WASHC4: variants seen among roughly 807,000 people sequenced by gnomAD.
WASHC4 encodes WASH complex subunit 7.
WASHC4 carries 86 observed loss-of-function variants against 166.6 expected under a neutral mutation model. The ratio of observed to expected loss-of-function variants is 0.52; its 90% CI spans 0.43 to 0.62. WASHC4 has a LOEUF of 0.62. Among genes scored for constraint, WASHC4 ranks in the 20% least tolerant of loss-of-function variants. The pLI, the probability that WASHC4 is intolerant of heterozygous loss-of-function variation, is 0.00. For synonymous variants in WASHC4, 446 were observed against 451.6 expected (o/e 0.99, Z 0.16); for missense variants, 1,262 against 1,382.4 (o/e 0.91, Z 1.38).
intron 15 of WASHC4, among the ~76,000 whole-genome samples, chr12:105,139,425 G>GTGTGTGTGTGTGTGTGTGTGTATATA: frequency 7.8e-5 from 8 of 103,188 alleles, no homozygotes; most frequent in African/African-American, 1.8e-4. Context: ...ATGTGTGTGT[G>GTGTGTGTGTGTGTGTGTGTGTATATA]TATATATATA....
chr12:105,119,091 G>A (rs1299280092), intron 7 of WASHC4, among the ~76,000 whole-genome samples: 2 of 152,120 alleles, frequency 1.3e-5, no homozygotes, highest in Admixed American at 6.5e-5. Context: ...GAGTTCATCC[G>A]GAGGAAACAG....
chr12:105,152,354 T>C lies in WASHC4; in HGVS notation c.2661T>C (p.Asp887=). The C allele has an allele frequency of 6.4e-7, 1 of 1,569,914 alleles. No individual in the cohort carries two copies. The highest frequency in any genetic ancestry group is 8.8e-7 in the Non-Finnish European group (1 of 1,140,150). ...AATTTTCTGTCTAGTATCCTTTTGA[T>C]AGAGCAGAAAAATTCAATCGAGGCA... ...KDQNDHKYPF[D]RAEKFNRGIR... Residue 887 remains aspartate, a synonymous_variant, in exon 26 of 33, where the codon GAT becomes GAC. Transcript: ENST00000332180.
chr12:105,120,594 T>G lies in WASHC4; in HGVS notation c.558T>G (p.Phe186Leu). 6.3e-7 allele frequency: 1 copy of G among 1,596,942 alleles called. No homozygotes were observed. Among genetic ancestry groups the G allele is most frequent in the Non-Finnish European group, 8.6e-7 (1 of 1,164,476 alleles). ...TTATAGAGACAACTGGAGTTCATTTTCAGGTAAAAGACATTTAGCTTGACC... is the reference window on the plus strand; with the variant it reads ...TTATAGAGACAACTGGAGTTCATTTGCAGGTAAAAGACATTTAGCTTGACC... ...PKIIETTGVHFQTMYEHLGEL... is the reference protein window; with the variant it reads ...PKIIETTGVHLQTMYEHLGEL... The change falls in exon 8 of 33, where the codon TTT (phenylalanine) becomes TTG (leucine). Residue 186 changes from phenylalanine to leucine, a missense_variant. Physicochemically the swap from Phe to Leu is conservative, Grantham distance 22. Coordinates refer to ENST00000332180, the MANE Select transcript of WASHC4 (RefSeq NM_015275.3).
chr12:105,157,303 GAAACATT>G lies in WASHC4; in HGVS notation c.2897_2903del (p.Thr966LysfsTer28). The stretch of plus-strand genomic sequence containing the variant: ...AGTAAAAGAAGAAGGTCTTGCAGAA[GAAACATT>G]AAAAGCAGCAAGGTAATCTAAATTT... On this transcript the variant is annotated frameshift_variant, in exon 28 of 33. Transcript: ENST00000332180. LOFTEE classifies it high-confidence loss of function. 1 of 1,552,438 alleles carries G rather than the reference GAAACATT, an allele frequency of 6.4e-7. No individual in the cohort carries two copies. Among genetic ancestry groups the G allele is most frequent in the Non-Finnish European group, 8.9e-7 (1 of 1,128,686 alleles).
intron 2 of WASHC4, among the ~76,000 whole-genome samples, chr12:105,113,841 T>C (rs1879916927): frequency 6.6e-6 from 1 of 152,052 alleles, no homozygotes; most frequent in Non-Finnish European, 1.5e-5. Flanking sequence ...ACCCTTTAGC[T>C]ACAATATCTT....
At chr12:105,141,112 G>T in intron 17 of WASHC4, 55 bp from the exon 18 acceptor site, 1 of 1,609,326 alleles carries the variant, frequency 6.2e-7, no homozygotes, top group South Asian at 1.1e-5. Context: ...CCTTGTTACT[G>T]ACCCTAGAAA....
intron 28 of WASHC4, among the ~76,000 whole-genome samples, chr12:105,159,788 A>G (rs1884381013): frequency 6.6e-6 from 1 of 152,220 alleles, no homozygotes; most frequent in Admixed American, 6.5e-5. Flanking sequence ...AAGATGTTCT[A>G]ATAGTCTATT....
At chr12:105,137,582 G>A (rs1167234315) in intron 14 of WASHC4, among the ~76,000 whole-genome samples, 1 of 152,122 alleles carries the variant, frequency 6.6e-6, no homozygotes, top group African/African-American at 2.4e-5. Flanking sequence ...CATTCAAATT[G>A]TTTCACTCAA....
chr12:105,122,897 C>T (rs1880902197), intron 10 of WASHC4, among the ~76,000 whole-genome samples: 1 of 152,166 alleles, frequency 6.6e-6, no homozygotes, highest in Non-Finnish European at 1.5e-5. Flanking sequence ...GAGACACAAC[C>T]ATATTGAAAT....
chr12:105,149,197 A>G, intron 24 of WASHC4: 1 of 985,346 alleles, frequency 1.0e-6, no homozygotes, highest in African/African-American at 1.7e-5. Context: ...GGTTCAGAGA[A>G]CACCATGTTT....
chr12:105,147,862 G>A, intron 24 of WASHC4: 4 of 823,538 alleles, frequency 4.9e-6, no homozygotes, highest in Non-Finnish European at 5.8e-6. Flanking sequence ...CTGAGATTGC[G>A]CCATTGCACT....
Position 105,164,189 on chromosome 12 carries a change from A to G in WASHC4, c.3236A>G (p.Lys1079Arg), listed in dbSNP as rs748436953. Reference protein sequence around the residue: ...SLHWFQSVREKYLKEIRAVAK... With the variant: ...SLHWFQSVRERYLKEIRAVAK... ...CACTGGTTCCAGTCTGTTAGAGAGA[A>G]ATACCTGAAGGAGATAAGAGCAGTT... Residue 1079 changes from lysine to arginine, a missense_variant, in exon 31 of 33, where the codon AAA becomes AGA. Coordinates refer to ENST00000332180, the MANE Select transcript of WASHC4 (RefSeq NM_015275.3). 5.1e-5 allele frequency: 82 copies of G among 1,614,000 alleles called. No individual in the cohort carries two copies. Among genetic ancestry groups the G allele is most frequent in the Non-Finnish European group, 6.3e-5 (74 of 1,179,982 alleles).
At position 105,156,803 on chromosome 12, in the gene WASHC4, A is replaced by C. The variant is rs1367737550; in HGVS notation, c.2825+11A>C. The C allele has an allele frequency of 1.9e-6, 3 of 1,606,688 alleles. No homozygotes were observed. The African/African-American group carries it at 4.0e-5, about 21-fold the overall frequency. On this transcript the variant is annotated intron_variant, in intron 27 of 32. Coordinates refer to ENST00000332180, the MANE Select transcript of WASHC4 (RefSeq NM_015275.3). ...CAGCAATGCCATTAGGTATGGATGC[A>C]AACATCATTTTTGCCTTGTTTATGC...
chr12:105,155,372 A>G (rs1566026858), intron 26 of WASHC4, among the ~76,000 whole-genome samples: 1 of 125,926 alleles, frequency 7.9e-6, no homozygotes, highest in Admixed American at 8.7e-5. Context: ...CAGAGGCAAC[A>G]GTAAGTGCAA....
rs376415624 is a variant in WASHC4 at position 105,132,525 on chromosome 12, A to G, written c.1200-1245A>G. ...AGCTTAAACAGCTTGTGAATGTAAA[A>G]AGGTTCCCATCTGGAATGAGACTGA... On this transcript the variant is annotated intron_variant, in intron 13 of 32. Transcript: ENST00000332180. Among the ~76,000 whole-genome samples, 29 of 152,328 alleles carry G rather than the reference A, an allele frequency of 1.9e-4. No individual in the cohort carries two copies. The South Asian group carries it at 5.2e-3, about 27-fold the overall frequency.
At chr12:105,138,741 A>G (rs2440719) in intron 15 of WASHC4, among the ~76,000 whole-genome samples, 75,902 of 151,856 alleles carry the variant, frequency 0.5, 19,151 homozygotes, top group Middle Eastern at 0.68. Flanking sequence ...TTTTCTTTGT[A>G]TGATTTGTTT....
chr12:105,153,956 C>A (rs1834928498), intron 26 of WASHC4, among the ~76,000 whole-genome samples: 1 of 152,036 alleles, frequency 6.6e-6, no homozygotes, highest in Non-Finnish European at 1.5e-5. Flanking sequence ...AGGTTGCAGT[C>A]CACAATTGGG....
At chr12:105,133,686 C>A in intron 13 of WASHC4, 84 bp from the exon 14 acceptor site, 1 of 1,125,852 alleles carries the variant, frequency 8.9e-7, no homozygotes, top group Non-Finnish European at 1.3e-6. Flanking sequence ...ATGACTGCTG[C>A]AGGGAAATAA....
At chr12:105,112,704 T>C (rs1879811319) in intron 2 of WASHC4, among the ~76,000 whole-genome samples, 1 of 152,166 alleles carries the variant, frequency 6.6e-6, no homozygotes, top group South Asian at 2.1e-4. Context: ...TCTGTTTTCT[T>C]TGGAGAAATG....
Sources: allele counts gnomAD v4.1 joint callset (sites outside exome capture counted in the v4.1 genomes callset), GRCh38; gene constraint gnomAD v4.1.1; transcripts MANE v1.5; gene names NCBI Gene and HGNC (gene_info 2026-07-23, HGNC 2026-07-21).